The following CNTNAP2 variants were observed in gnomAD, a reference collection of about 807,000 sequenced individuals.
The protein encoded by CNTNAP2 is contactin-associated protein-like 2.
A neutral mutation model predicts 155.2 loss-of-function variants in CNTNAP2; 98 were observed. The observed-to-expected ratio is 0.63, with a 90% confidence interval of 0.54 to 0.75. The LOEUF (loss-of-function observed/expected upper bound fraction) is 0.75. CNTNAP2 is among the 30% of genes least tolerant of loss of function. CNTNAP2 has a pLI of 0.00. For synonymous variants in CNTNAP2, 651 were observed against 631.2 expected, an observed-to-expected ratio of 1.03 and a Z score of -0.47; for missense variants, 1,727 against 1,688.1, an observed-to-expected ratio of 1.02 and a Z score of -0.40.
chr7:146,326,769 A>G (rs560594674), intron 1 of CNTNAP2, among the ~76,000 whole-genome samples: 1 of 152,320 alleles, frequency 6.6e-6, no homozygotes, highest in African/African-American at 2.4e-5. Flanking sequence ...TCACAGAACT[A>G]ATTTACTATC....
At chr7:146,815,881 G>T (rs1443604901) in intron 2 of CNTNAP2, among the ~76,000 whole-genome samples, 2 of 152,024 alleles carry the variant, frequency 1.3e-5, no homozygotes, top group African/African-American at 4.8e-5. Context: ...TTTACATTAG[G>T]TATTTCTCTT....
chr7:147,934,351 G>A (rs1419645794), intron 14 of CNTNAP2, among the ~76,000 whole-genome samples: 1 of 152,186 alleles, frequency 6.6e-6, no homozygotes, highest in East Asian at 1.9e-4. Context: ...AGCAAGTCAA[G>A]TCTTACTTGG....
At chr7:146,653,476 A>G (rs530434947) in intron 1 of CNTNAP2, among the ~76,000 whole-genome samples, 1 of 152,306 alleles carries the variant, frequency 6.6e-6, no homozygotes, top group African/African-American at 2.4e-5. Flanking sequence ...TCTATGTTTA[A>G]TAACAATAGA....
intron 13 of CNTNAP2, among the ~76,000 whole-genome samples, chr7:147,717,751 G>A (rs553365713): frequency 2.0e-5 from 3 of 152,130 alleles, no homozygotes; most frequent in South Asian, 2.1e-4. Flanking sequence ...TGGGCAGGGC[G>A]GGGCACATGC....
chr7:146,350,675 C>T (rs1794899739), intron 1 of CNTNAP2, among the ~76,000 whole-genome samples: 1 of 152,100 alleles, frequency 6.6e-6, no homozygotes, highest in Admixed American at 6.5e-5. Context: ...CATCCCATTA[C>T]TGGTTATATA....
rs10532740 is a variant in CNTNAP2 at position 148,106,493 on chromosome 7, G to GATATATATATATATAT, written c.2384-11613_2384-11598dup. Among the ~76,000 whole-genome samples, 185 of 124,874 alleles carry GATATATATATATATAT rather than the reference G, an allele frequency of 1.5e-3. 3 individuals are homozygous for GATATATATATATATAT. The highest frequency in any genetic ancestry group is 6.0e-3 in the African/African-American group (175 of 28,958). 81.9% of individuals were successfully genotyped at this position (124,874 alleles called of 152,430 possible). A position where few individuals can be genotyped will look rare whatever the true frequency, so the allele number is the denominator to read the frequency against. On this transcript the variant is annotated intron_variant, in intron 15 of 23. Coordinates refer to ENST00000361727, the MANE Select transcript of CNTNAP2 (RefSeq NM_014141.6). ...CACTTCAGTGTACTGCACACTTTGAGATATATATATATATATATATATATA... is the reference window on the plus strand; with the variant it reads ...CACTTCAGTGTACTGCACACTTTGAGATATATATATATATATATATATATATATATATATATATATA...
At chr7:146,783,418 T>C (rs1318396111) in intron 2 of CNTNAP2, among the ~76,000 whole-genome samples, 1 of 152,198 alleles carries the variant, frequency 6.6e-6, no homozygotes, top group Non-Finnish European at 1.5e-5. Flanking sequence ...TTTTAATGTA[T>C]TCTTTTTTAC....
At chr7:146,181,405 A>G (rs982667423) in intron 1 of CNTNAP2, among the ~76,000 whole-genome samples, 1 of 152,178 alleles carries the variant, frequency 6.6e-6, no homozygotes, top group African/African-American at 2.4e-5. Context: ...GTAACATGCC[A>G]TGATAAATTT....
At chr7:146,350,194 C>CT (rs769076409) in intron 1 of CNTNAP2, among the ~76,000 whole-genome samples, 5 of 152,108 alleles carry the variant, frequency 3.3e-5, no homozygotes, top group African/African-American at 7.2e-5. Context: ...CTCTAAACTT[C>CT]CCTTCTCGCT....
At chr7:147,368,933 T>C (rs188028340) in intron 9 of CNTNAP2, among the ~76,000 whole-genome samples, 1 of 152,294 alleles carries the variant, frequency 6.6e-6, no homozygotes, top group African/African-American at 2.4e-5. Context: ...GATACAGTTA[T>C]TGAAATGTAA....
chr7:147,997,574 T>A (rs1458166096), intron 15 of CNTNAP2, among the ~76,000 whole-genome samples: 4 of 150,176 alleles, frequency 2.7e-5, no homozygotes, highest in Non-Finnish European at 5.9e-5. Flanking sequence ...AAAAAAAAAA[T>A]TTAAACAAGA....
chr7:146,343,946 A>G (rs1351996491), intron 1 of CNTNAP2, among the ~76,000 whole-genome samples: 1 of 152,128 alleles, frequency 6.6e-6, no homozygotes, highest in Non-Finnish European at 1.5e-5. Context: ...TGAACAATAT[A>G]AATATTTTAT....
intron 9 of CNTNAP2, among the ~76,000 whole-genome samples, chr7:147,340,632 T>TCTTATATGTCCTAAAAACA (rs1355964585): frequency 6.6e-6 from 1 of 152,180 alleles, no homozygotes; most frequent in African/African-American, 2.4e-5. Flanking sequence ...CTGAAGTTTA[T>TCTTATATGTCCTAAAAACA]CTTATATGTC....
intron 13 of CNTNAP2, among the ~76,000 whole-genome samples, chr7:147,658,252 G>A (rs1584883607): frequency 1.3e-5 from 1 of 76,550 alleles, no homozygotes; most frequent in African/African-American, 7.1e-5. Context: ...GCGAGACTCC[G>A]TCCCAAAAAA....
intron 14 of CNTNAP2, among the ~76,000 whole-genome samples, chr7:147,935,468 A>G (rs1328263625): frequency 6.6e-6 from 1 of 152,084 alleles, no homozygotes; most frequent in Non-Finnish European, 1.5e-5. Flanking sequence ...AGTTTAATAT[A>G]CTGTATTTAT....
At chr7:147,154,900 G>A (rs951876683) in intron 8 of CNTNAP2, among the ~76,000 whole-genome samples, 1 of 151,970 alleles carries the variant, frequency 6.6e-6, no homozygotes, top group African/African-American at 2.4e-5. Context: ...ATTATATATT[G>A]TTGTAATTAA....
intron 20 of CNTNAP2, among the ~76,000 whole-genome samples, chr7:148,257,040 G>A (rs1235912384): frequency 6.6e-6 from 1 of 152,128 alleles, no homozygotes; most frequent in Non-Finnish European, 1.5e-5. Flanking sequence ...AGCATTCTGG[G>A]CAAAAGATAC....
At chr7:146,349,569 G>A (rs994061012) in intron 1 of CNTNAP2, among the ~76,000 whole-genome samples, 1 of 152,206 alleles carries the variant, frequency 6.6e-6, no homozygotes, top group African/African-American at 2.4e-5. Flanking sequence ...AGCCTTGATG[G>A]TCTTTACATT....
At chr7:146,676,855 A>T (rs577359510) in intron 1 of CNTNAP2, among the ~76,000 whole-genome samples, 2 of 152,316 alleles carry the variant, frequency 1.3e-5, no homozygotes, top group South Asian at 4.1e-4. Flanking sequence ...ATTATCTCCT[A>T]CTGGGTCCCT....
Sources: allele counts gnomAD v4.1 joint callset (sites outside exome capture counted in the v4.1 genomes callset), GRCh38; gene constraint gnomAD v4.1.1; transcripts MANE v1.5; gene names NCBI Gene and HGNC (gene_info 2026-07-23, HGNC 2026-07-21).